Variants in EEPD1 observed in about 807,000 individuals in gnomAD.
The protein encoded by EEPD1 is endonuclease/exonuclease/phosphatase family domain containing 1, also known as endonuclease/exonuclease/phosphatase family domain-containing protein 1.
In EEPD1, 17 loss-of-function variants were observed where a neutral mutation model predicts 46.3. The observed-to-expected ratio is 0.37, with a 90% CI of 0.25 to 0.55. The LOEUF (loss-of-function observed/expected upper bound fraction) is 0.55. Among genes scored for constraint, EEPD1 ranks in the 20% least tolerant of loss-of-function variants. The pLI, the probability that EEPD1 is intolerant of heterozygous loss-of-function variation, is 0.83. For missense variants in EEPD1, 673 were observed against 745.6 expected (o/e 0.90, Z 1.13); for synonymous variants, 313 against 315.6 (o/e 0.99, Z 0.09).
chr7:36,165,902 G>C (rs973828995), intron 2 of EEPD1, among the ~76,000 whole-genome samples: 2 of 152,154 alleles, frequency 1.3e-5, no homozygotes, highest in Non-Finnish European at 2.9e-5. Context: ...AAACAATGAA[G>C]TCCTAGTGAG....
intron 3 of EEPD1, among the ~76,000 whole-genome samples, chr7:36,262,415 G>A (rs925601679): frequency 9.2e-5 from 14 of 152,220 alleles, no homozygotes; most frequent in African/African-American, 3.4e-4. Flanking sequence ...TTTAGAGCAA[G>A]AGTGAAAGTT....
At chr7:36,260,560 G>C (rs1786905263) in intron 3 of EEPD1, among the ~76,000 whole-genome samples, 1 of 152,204 alleles carries the variant, frequency 6.6e-6, no homozygotes, top group African/African-American at 2.4e-5. Flanking sequence ...CACTGGCTTT[G>C]GTGACAGTTT....
chr7:36,198,278 A>T (rs1282741823), intron 2 of EEPD1, among the ~76,000 whole-genome samples: 1 of 145,216 alleles, frequency 6.9e-6, no homozygotes, highest in Non-Finnish European at 1.5e-5. Flanking sequence ...TTACTAAGTT[A>T]TGTGATCAGC....
At chr7:36,274,747 C>T (rs1787159445) in intron 3 of EEPD1, among the ~76,000 whole-genome samples, 1 of 152,172 alleles carries the variant, frequency 6.6e-6, no homozygotes, top group Non-Finnish European at 1.5e-5. Context: ...TCAGTTGCAG[C>T]CCCCGTGTGC....
intron 6 of EEPD1, among the ~76,000 whole-genome samples, chr7:36,294,603 G>A (rs1448510015): frequency 1.3e-5 from 2 of 152,166 alleles, no homozygotes; most frequent in Non-Finnish European, 2.9e-5. Context: ...AATTCTGCCA[G>A]ATTGTACTAC....
intron 3 of EEPD1, among the ~76,000 whole-genome samples, chr7:36,259,038 G>A (rs1386263745): frequency 1.3e-5 from 2 of 152,262 alleles, no homozygotes; most frequent in Admixed American, 6.5e-5. Flanking sequence ...ATAGTATCTG[G>A]GCTGAAGTGC....
chr7:36,236,085 A>G (rs1448089726), intron 2 of EEPD1, among the ~76,000 whole-genome samples: 5 of 152,168 alleles, frequency 3.3e-5, no homozygotes, highest in East Asian at 3.9e-4. Flanking sequence ...CCACCACACC[A>G]GGCTAACTTT....
chr7:36,298,320 A>G (rs196610), intron 7 of EEPD1, among the ~76,000 whole-genome samples: 4,586 of 152,242 alleles, frequency 0.03, 90 homozygotes, highest in Middle Eastern at 0.061. Context: ...CTTCCTGTGA[A>G]GTTGCTGAGC....
At chr7:36,295,504 CAT>C (rs1047061453) in intron 6 of EEPD1, among the ~76,000 whole-genome samples, 6 of 152,180 alleles carry the variant, frequency 3.9e-5, no homozygotes, top group Non-Finnish European at 7.3e-5. Context: ...TTCCAGATAA[CAT>C]GTGTAGATAC....
intron 3 of EEPD1, among the ~76,000 whole-genome samples, chr7:36,246,984 G>A (rs1786650939): frequency 6.6e-6 from 1 of 152,064 alleles, no homozygotes; most frequent in South Asian, 2.1e-4. Context: ...AAATTAGCCA[G>A]GCGTGGTGGC....
At chr7:36,221,884 G>A (rs912134843) in intron 2 of EEPD1, among the ~76,000 whole-genome samples, 1 of 152,138 alleles carries the variant, frequency 6.6e-6, no homozygotes, top group Non-Finnish European at 1.5e-5. Context: ...CTGATCAAAT[G>A]CCTTTTTATG....
intron 3 of EEPD1, among the ~76,000 whole-genome samples, chr7:36,258,838 C>T (rs935228589): frequency 1.4e-5 from 2 of 144,476 alleles, no homozygotes; most frequent in Non-Finnish European, 3.0e-5. Flanking sequence ...GAACGGTGAA[C>T]GGTGAACAGT....
At chr7:36,238,888 T>C (rs2115783193) in intron 2 of EEPD1, 97 bp from the exon 3 acceptor site, 1 of 1,220,950 alleles carries the variant, frequency 8.2e-7, no homozygotes, top group Non-Finnish European at 1.1e-6. Flanking sequence ...AAATGCAGGA[T>C]GAAATTTCAG....
intron 1 of EEPD1, among the ~76,000 whole-genome samples, chr7:36,153,885 G>A (rs1473125806): frequency 6.6e-6 from 1 of 152,196 alleles, no homozygotes; most frequent in East Asian, 1.9e-4. Context: ...AGAGGCATGA[G>A]GCTGATGGGG....
rs577741702 is a variant in EEPD1, at chr7:36,214,150, A to G, written c.879-24835A>G. Among the ~76,000 whole-genome samples the G allele has an allele frequency of 2.6e-4, 40 of 152,242 alleles. No homozygotes were observed. In the Middle Eastern group the frequency reaches 0.01, roughly 39 times the overall value. On this transcript the variant is annotated intron_variant, in intron 2 of 7. Coordinates refer to ENST00000242108, the MANE Select transcript of EEPD1 (RefSeq NM_030636.3). ...TAGGGATGGAGGCAGGTCCTGGGGGAAAGGAATGGATCGATTCTGTCCAGA... is the reference window on the plus strand; with the variant it reads ...TAGGGATGGAGGCAGGTCCTGGGGGGAAGGAATGGATCGATTCTGTCCAGA...
chr7:36,252,296 G>A (rs1471925172), intron 3 of EEPD1, among the ~76,000 whole-genome samples: 1 of 152,212 alleles, frequency 6.6e-6, no homozygotes, highest in African/African-American at 2.4e-5. Flanking sequence ...GGGTCTAAAT[G>A]TGGACAGGAG....
chr7:36,171,220 G>A (rs767309430), intron 2 of EEPD1, among the ~76,000 whole-genome samples: 11 of 152,166 alleles, frequency 7.2e-5, no homozygotes, highest in Non-Finnish European at 1.3e-4. Context: ...ACCATGCCCA[G>A]CCCCATGCTT....
At chr7:36,272,183 A>G (rs1188631577) in intron 3 of EEPD1, among the ~76,000 whole-genome samples, 2 of 125,300 alleles carry the variant, frequency 1.6e-5, no homozygotes, top group African/African-American at 5.6e-5. Flanking sequence ...ACCCCCTGCC[A>G]TTAATTTAAA....
intron 2 of EEPD1, among the ~76,000 whole-genome samples, chr7:36,173,148 T>C (rs530644550): frequency 6.6e-6 from 1 of 150,808 alleles, no homozygotes; most frequent in East Asian, 2.0e-4. Context: ...GTGGGAGGGG[T>C]TTGAATCATA....
Sources: gnomAD v4.1 joint callset for allele counts (sites outside exome capture counted in the v4.1 genomes callset) on GRCh38, gnomAD v4.1.1 for gene constraint, MANE v1.5 for transcripts, NCBI Gene and HGNC (gene_info 2026-07-23, HGNC 2026-07-21) for gene names.